KLRK1: variants seen among roughly 807,000 people sequenced by gnomAD.
KLRK1 encodes the protein NKG2-D type II integral membrane protein.
KLRK1 carries 40 observed loss-of-function variants against 31.3 expected under a neutral mutation model. The ratio of observed to expected loss-of-function variants is 1.28; its 90% confidence interval spans 0.99 to 1.67. The LOEUF (loss-of-function observed/expected upper bound fraction) is 1.67, where lower values mean the gene tolerates loss of function less well. Among genes scored for constraint, KLRK1 ranks in the 40% most tolerant of loss-of-function variants. The pLI is 0.00. For missense variants in KLRK1, 251 were observed against 260.0 expected (o/e 0.97, Z 0.24); for synonymous variants, 77 against 77.3 (o/e 1.00, Z 0.02).
chr12:10,379,640 A>G (rs1863032942), intron 4 of KLRK1, 60 bp downstream of exon 4: 2 of 1,486,182 alleles, frequency 1.3e-6, no homozygotes, highest in South Asian at 2.6e-5. Context: ...ACTAACAAAA[A>G]TAATACATTA....
chr12:10,380,019 T>A (rs1406297153), intron 3 of KLRK1, among the ~76,000 whole-genome samples: 1 of 150,886 alleles, frequency 6.6e-6, no homozygotes, highest in African/African-American at 2.4e-5. Context: ...TCCCCAGTCA[T>A]CCCTAGAGTA....
intron 3 of KLRK1, among the ~76,000 whole-genome samples, chr12:10,383,346 G>GCA (rs2137815193): frequency 6.6e-6 from 1 of 152,044 alleles, no homozygotes; most frequent in Non-Finnish European, 1.5e-5. Flanking sequence ...TAAAGAGCAG[G>GCA]CACAGCTATA....
chr12:10,376,616 A>G (rs1862971656), intron 7 of KLRK1, among the ~76,000 whole-genome samples: 1 of 152,064 alleles, frequency 6.6e-6, no homozygotes, highest in African/African-American at 2.4e-5. Flanking sequence ...GAAACTAAAA[A>G]AGCAAATTTA....
chr12:10,378,820 T>G, intron 5 of KLRK1, 115 bp from the exon 6 acceptor site: 1 of 1,258,126 alleles, frequency 7.9e-7, no homozygotes, highest in Admixed American at 2.6e-5. Flanking sequence ...ATTATTAAAT[T>G]ATTACAGTCA....
At chr12:10,389,406 A>C (rs971330451) in intron 1 of KLRK1, among the ~76,000 whole-genome samples, 2 of 152,156 alleles carry the variant, frequency 1.3e-5, no homozygotes, top group African/African-American at 4.8e-5. Flanking sequence ...CTAATCTCAC[A>C]TGTTTATATA....
chr12:10,385,212 A>G (rs1308782438), intron 3 of KLRK1, among the ~76,000 whole-genome samples: 5 of 152,136 alleles, frequency 3.3e-5, no homozygotes, highest in Admixed American at 6.5e-5. Flanking sequence ...TATAACTACC[A>G]TATGACTCAG....
At position 10,379,794 on chromosome 12, in the gene KLRK1, T is replaced by C. The variant is rs778717448; in HGVS notation, c.149-2A>G. 6.2e-7 allele frequency: 1 copy of C among 1,609,940 alleles called. No homozygotes were observed. Among genetic ancestry groups the C allele is most frequent in the Non-Finnish European group, 8.5e-7 (1 of 1,178,314 alleles). On this transcript the variant is annotated splice_acceptor_variant, in intron 3 of 7. Coordinates refer to ENST00000240618, the MANE Select transcript of KLRK1 (RefSeq NM_007360.4). LOFTEE classifies it high-confidence loss of function. ...AGCAGCAGAAAAAAAATGGAGATGC[T>C]GTCAAAGAAAAAAGACACAGATCAG...
rs1246929305 is a variant in KLRK1, at chr12:10,388,773, C to G, written c.38G>C (p.Trp13Ser). The G allele has an allele frequency of 6.2e-7, 1 of 1,613,820 alleles. No individual in the cohort carries two copies. The highest frequency in any genetic ancestry group is 8.5e-7 in the Non-Finnish European group (1 of 1,179,908). ...ACACTTATGTGGTAAAAACATACCC[C>G]AGCTGTGTCGAGACCTCCGACCACG... ...WIRGRRSRHSWEMSEFHNYNL... is the reference protein window; with the variant it reads ...WIRGRRSRHSSEMSEFHNYNL... Residue 13 changes from tryptophan (W) to serine (S), a missense_variant and splice_region_variant, in exon 2 of 8, where the codon TGG (tryptophan) becomes TCG (serine). Physicochemically the swap from Trp to Ser is radical, Grantham distance 177. Transcript: ENST00000240618.
At position 10,379,750 on chromosome 12, in the gene KLRK1, C is replaced by T. The variant is rs753001440; in HGVS notation, c.191G>A (p.Gly64Glu). Residue 64 changes from glycine to glutamate, a missense_variant, in exon 4 of 8, where the codon GGA becomes GAA. Transcript: ENST00000240618. Reference sequence around the variant, plus strand: ...TGTTACCATAATAATGAAACGGATTCCCATGGCTACAGCGATGAAGCAGCA... The same window carrying T: ...TGTTACCATAATAATGAAACGGATTTCCATGGCTACAGCGATGAAGCAGCA... ...FFCCFIAVAM[G>E]IRFIIMVTIW... The T allele has an allele frequency of 3.7e-6, 6 of 1,612,290 alleles. No individual in the cohort carries two copies. The South Asian group carries it at 4.4e-5, about 12-fold the overall frequency.
chr12:10,382,476 G>C (rs748579615), intron 3 of KLRK1, among the ~76,000 whole-genome samples: 1 of 152,138 alleles, frequency 6.6e-6, no homozygotes, highest in Non-Finnish European at 1.5e-5. Context: ...AATGCCAACT[G>C]AGATACCGTA....
intron 3 of KLRK1, among the ~76,000 whole-genome samples, chr12:10,383,005 A>AATAG (rs1319516145): frequency 6.6e-6 from 1 of 152,216 alleles, no homozygotes; most frequent in Non-Finnish European, 1.5e-5. Flanking sequence ...AAAAACCTAT[A>AATAG]ATAGATACAC....
intron 3 of KLRK1, among the ~76,000 whole-genome samples, chr12:10,385,180 A>T (rs1342266038): frequency 6.6e-6 from 1 of 151,968 alleles, no homozygotes; most frequent in Non-Finnish European, 1.5e-5. Context: ...AACAGTATGG[A>T]GGTCCCTTAA....
intron 7 of KLRK1, among the ~76,000 whole-genome samples, chr12:10,376,810 C>CTTATTTATTTATTTAT (rs57195493): frequency 1.3e-4 from 20 of 149,830 alleles, no homozygotes; most frequent in African/African-American, 4.7e-4. Context: ...CTGAAATTTA[C>CTTATTTATTTATTTAT]TTATTTATTT....
chr12:10,383,994 G>A (rs1270677972), intron 3 of KLRK1, among the ~76,000 whole-genome samples: 1 of 151,894 alleles, frequency 6.6e-6, no homozygotes, highest in Non-Finnish European at 1.5e-5. Flanking sequence ...AAATCAAGAA[G>A]TCAATTCCAT....
At chr12:10,383,224 CA>C (rs993764978) in intron 3 of KLRK1, among the ~76,000 whole-genome samples, 1 of 151,294 alleles carries the variant, frequency 6.6e-6, no homozygotes, top group African/African-American at 2.4e-5. Context: ...GGATTAAAAA[CA>C]AAAAAAACCA....
intron 7 of KLRK1, among the ~76,000 whole-genome samples, chr12:10,375,010 C>A (rs566764604): frequency 6.7e-6 from 1 of 149,258 alleles, no homozygotes; most frequent in Non-Finnish European, 1.5e-5. Context: ...ATGATATAAA[C>A]TCTTATTTTT....
At chr12:10,384,707 A>G (rs776054802) in intron 3 of KLRK1, among the ~76,000 whole-genome samples, 50 of 152,034 alleles carry the variant, frequency 3.3e-4, no homozygotes, top group Non-Finnish European at 3.7e-4. Context: ...ATGGGTAAGA[A>G]TTCAAAAGTA....
chr12:10,387,029 G>C lies in KLRK1; in HGVS notation c.41-19C>G, dbSNP rs1863178555. 6.3e-7 allele frequency: 1 copy of C among 1,591,506 alleles called. No individual in the cohort carries two copies. The highest frequency in any genetic ancestry group is 8.6e-7 in the Non-Finnish European group (1 of 1,166,704). On this transcript the variant is annotated intron_variant, in intron 2 of 7. Coordinates refer to ENST00000240618, the MANE Select transcript of KLRK1 (RefSeq NM_007360.4). ...CTCATCTCTAGAGAAAAAGAATTCA[G>C]GCTTATATGAGTCATGGCCTTTCTG...
At chr12:10,389,906 G>A in intron 1 of KLRK1, 37 bp downstream of exon 1, 1 of 151,850 alleles carries the variant, frequency 6.6e-6, no homozygotes, top group East Asian at 1.9e-4. Context: ...CTCATATCTT[G>A]AATAATAAAC....
Sources: allele counts gnomAD v4.1 joint callset (sites outside exome capture counted in the v4.1 genomes callset), GRCh38; gene constraint gnomAD v4.1.1; transcripts MANE v1.5; gene names NCBI Gene and HGNC (gene_info 2026-07-23, HGNC 2026-07-21).